The following DPP10 variants were observed in gnomAD, a reference collection of about 807,000 sequenced individuals.
DPP10 encodes inactive dipeptidyl peptidase 10.
A neutral mutation model predicts 120.9 loss-of-function variants in DPP10; 33 were observed. The ratio of observed to expected loss-of-function variants is 0.27; its 90% CI spans 0.21 to 0.37. DPP10 has a LOEUF of 0.37. DPP10 is among the 10% of genes least tolerant of loss of function. The pLI is 1.00. For missense variants in DPP10, 816 were observed against 942.8 expected (o/e 0.87, Z 1.76); for synonymous variants, 337 against 326.1 (o/e 1.03, Z -0.36).
intron 1 of DPP10, among the ~76,000 whole-genome samples, chr2:114,550,593 C>A (rs1386655129): frequency 6.6e-6 from 1 of 152,214 alleles, no homozygotes; most frequent in Non-Finnish European, 1.5e-5. Context: ...TGTACACAGG[C>A]TGTTTCCTCA....
In DPP10 at chr2:114,828,230, C is replaced by T. The variant is rs1015721954; in HGVS notation, c.60+385392C>T. ...CTACGGCCATACCACCCTGAACACT[C>T]CCCGTCTCGTCTGATAATGGGTAGA... On this transcript the variant is annotated intron_variant, in intron 1 of 25. Coordinates refer to ENST00000410059, the MANE Select transcript of DPP10 (RefSeq NM_020868.6). 6.6e-5 allele frequency among the ~76,000 whole-genome samples: 10 copies of T among 152,146 alleles called. No individual in the cohort carries two copies. In the East Asian group the frequency reaches 1.3e-3, roughly 21 times the overall value.
intron 5 of DPP10, among the ~76,000 whole-genome samples, chr2:115,555,035 T>C (rs1373813163): frequency 6.6e-6 from 1 of 152,076 alleles, no homozygotes; most frequent in Non-Finnish European, 1.5e-5. Flanking sequence ...ATATCTAGGT[T>C]TTCACACCTC....
chr2:115,753,879 T>G (rs1303124695), intron 11 of DPP10, among the ~76,000 whole-genome samples: 1 of 152,152 alleles, frequency 6.6e-6, no homozygotes, highest in Non-Finnish European at 1.5e-5. Flanking sequence ...TGCAGTAAGT[T>G]TAAACGGTTA....
At chr2:115,350,225 G>T (rs893100817) in intron 3 of DPP10, among the ~76,000 whole-genome samples, 1 of 151,908 alleles carries the variant, frequency 6.6e-6, no homozygotes, top group African/African-American at 2.4e-5. Context: ...TATATTAATT[G>T]AAAATAGCAC....
intron 1 of DPP10, among the ~76,000 whole-genome samples, chr2:114,883,756 C>T (rs1014559612): frequency 2.0e-5 from 3 of 152,150 alleles, no homozygotes; most frequent in Non-Finnish European, 4.4e-5. Flanking sequence ...CACCTGGGCT[C>T]GGGCTGGGTT....
intron 5 of DPP10, among the ~76,000 whole-genome samples, chr2:115,666,142 T>G (rs2089436943): frequency 6.6e-6 from 1 of 152,178 alleles, no homozygotes; most frequent in Admixed American, 6.5e-5. Context: ...ACATCCAGTA[T>G]TTGGTTTTCC....
At chr2:114,610,110 C>T (rs983138652) in intron 1 of DPP10, among the ~76,000 whole-genome samples, 1 of 152,180 alleles carries the variant, frequency 6.6e-6, no homozygotes, top group African/African-American at 2.4e-5. Context: ...ATAGCATCTC[C>T]ATCTTACGGA....
At chr2:114,624,596 T>G (rs1277050551) in intron 1 of DPP10, among the ~76,000 whole-genome samples, 5 of 151,900 alleles carry the variant, frequency 3.3e-5, no homozygotes, top group African/African-American at 1.2e-4. Flanking sequence ...AGAGACATTT[T>G]TAGACTCCCA....
At chr2:114,866,037 G>C (rs1233683106) in intron 1 of DPP10, among the ~76,000 whole-genome samples, 1 of 151,846 alleles carries the variant, frequency 6.6e-6, no homozygotes, top group Non-Finnish European at 1.5e-5. Context: ...GCTTGAACCT[G>C]GGGGGCGGAG....
At chr2:115,151,190 TTCTC>T (rs1477930873) in intron 1 of DPP10, among the ~76,000 whole-genome samples, 8 of 152,160 alleles carry the variant, frequency 5.3e-5, no homozygotes, top group African/African-American at 1.4e-4. Flanking sequence ...CTTCATTTTT[TTCTC>T]TCTAAGATAA....
chr2:115,509,085 C>T (rs1432965957), intron 4 of DPP10, among the ~76,000 whole-genome samples: 2 of 152,056 alleles, frequency 1.3e-5, no homozygotes, highest in South Asian at 2.1e-4. Context: ...CCAGATCATG[C>T]GGGTCATGGT....
chr2:114,930,596 GA>G (rs1695996339), intron 1 of DPP10, among the ~76,000 whole-genome samples: 1 of 152,168 alleles, frequency 6.6e-6, no homozygotes, highest in Non-Finnish European at 1.5e-5. Flanking sequence ...ATTTCTATCA[GA>G]ATTTTCATCA....
chr2:115,125,485 T>C (rs941509747), intron 1 of DPP10, among the ~76,000 whole-genome samples: 43 of 151,680 alleles, frequency 2.8e-4, no homozygotes, highest in African/African-American at 1.0e-3. Flanking sequence ...ATCAGAAAAA[T>C]TAGAAGCCAA....
intron 1 of DPP10, among the ~76,000 whole-genome samples, chr2:114,542,896 C>T (rs1237803538): frequency 6.6e-6 from 1 of 152,144 alleles, no homozygotes; most frequent in African/African-American, 2.4e-5. Context: ...TTAGGAATAC[C>T]TGTGGCTCTA....
intron 1 of DPP10, among the ~76,000 whole-genome samples, chr2:115,111,007 T>G (rs917637216): frequency 6.6e-6 from 1 of 152,116 alleles, no homozygotes; most frequent in Non-Finnish European, 1.5e-5. Flanking sequence ...AAAACGACAT[T>G]TATGATTTCA....
chr2:115,757,231 A>G (rs1431665609), intron 11 of DPP10, among the ~76,000 whole-genome samples: 1 of 152,102 alleles, frequency 6.6e-6, no homozygotes, highest in Non-Finnish European at 1.5e-5. Context: ...GACAAGAAAA[A>G]TACAAGAGAC....
chr2:115,687,616 C>T (rs1005695086), intron 5 of DPP10, among the ~76,000 whole-genome samples: 2 of 129,880 alleles, frequency 1.5e-5, no homozygotes, highest in African/African-American at 5.0e-5. Context: ...CAGTCTTCAC[C>T]TCAACACACT....
chr2:115,750,160 G>A (rs1678517525), intron 10 of DPP10: 1 of 985,372 alleles, frequency 1.0e-6, no homozygotes. Context: ...AGCTACATCT[G>A]CAGCAGGCAG....
rs149628763 is a variant in DPP10 at position 115,286,981 on chromosome 2, T to G, written c.61-22258T>G. Among the ~76,000 whole-genome samples, 563 of 152,124 alleles carry G rather than the reference T, an allele frequency of 3.7e-3. 4 individuals are homozygous for G. Among genetic ancestry groups the G allele is most frequent in the African/African-American group, 0.012 (500 of 41,546 alleles). On this transcript the variant is annotated intron_variant, in intron 1 of 25. Coordinates refer to ENST00000410059, the MANE Select transcript of DPP10 (RefSeq NM_020868.6). ...TCTCTCTGTGAAAGCTGGCCAAATA[T>G]TCAAGAATGTACTGAAATATTCAAA...
Sources: gnomAD v4.1 joint callset for allele counts (sites outside exome capture counted in the v4.1 genomes callset) on GRCh38, gnomAD v4.1.1 for gene constraint, MANE v1.5 for transcripts, NCBI Gene and HGNC (gene_info 2026-07-23, HGNC 2026-07-21) for gene names.